Variants in RBMS1 observed in about 807,000 individuals in gnomAD.
The protein encoded by RBMS1 is RNA binding motif single stranded interacting protein 1.
RBMS1 carries 17 observed loss-of-function variants against 62.3 expected under a neutral mutation model. The ratio of observed to expected loss-of-function variants is 0.27; its 90% CI spans 0.19 to 0.41. The LOEUF (loss-of-function observed/expected upper bound fraction) is 0.41. Among genes scored for constraint, RBMS1 ranks in the 10% least tolerant of loss-of-function variants. The pLI, the probability that RBMS1 is intolerant of heterozygous loss-of-function variation, is 1.00. For missense variants in RBMS1, 334 were observed against 504.5 expected, an observed-to-expected ratio of 0.66 and a Z score of 3.24; for synonymous variants, 172 against 170.0, an observed-to-expected ratio of 1.01 and a Z score of -0.09.
At chr2:160,453,842 T>C (rs1371071371) in intron 1 of RBMS1, among the ~76,000 whole-genome samples, 3 of 152,196 alleles carry the variant, frequency 2.0e-5, no homozygotes. Context: ...TTCTCACCAA[T>C]TTCCTGAATC....
At chr2:160,444,398 A>G (rs1047318470) in intron 1 of RBMS1, among the ~76,000 whole-genome samples, 2 of 152,242 alleles carry the variant, frequency 1.3e-5, no homozygotes, top group African/African-American at 2.4e-5. Context: ...CTAGTTACAT[A>G]TTTATTAATA....
chr2:160,312,440 A>G (rs1035318150), intron 4 of RBMS1, among the ~76,000 whole-genome samples: 6 of 152,230 alleles, frequency 3.9e-5, no homozygotes, highest in Admixed American at 3.9e-4. Context: ...AATATATATT[A>G]AGCATGAAAC....
chr2:160,408,548 C>T (rs1278048890), intron 1 of RBMS1: 1 of 152,198 alleles, frequency 6.6e-6, no homozygotes, highest in Non-Finnish European at 1.5e-5. Flanking sequence ...GAGCGAAAAT[C>T]ATTTAAGGCC....
At chr2:160,471,716 T>TATATATATATATATATATATAA (rs371634389) in intron 1 of RBMS1, among the ~76,000 whole-genome samples, 3,789 of 75,278 alleles carry the variant, frequency 0.05, 320 homozygotes, top group Admixed American at 0.075. Context: ...TATATATATA[T>TATATATATATATATATATATAA]AACCTTTCAT....
At chr2:160,433,126 T>A (rs1468575626) in intron 1 of RBMS1, among the ~76,000 whole-genome samples, 1 of 149,650 alleles carries the variant, frequency 6.7e-6, no homozygotes, top group Non-Finnish European at 1.5e-5. Flanking sequence ...AAAAAAAAAA[T>A]CTTTAGACTG....
At position 160,349,553 on chromosome 2, in the gene RBMS1, A is replaced by AAGAGAGAG. The variant is rs372260654; in HGVS notation, c.251+17655_251+17662dup. The stretch of plus-strand genomic sequence containing the variant: ...TTTAGTTGCTCATCTCAGAGACAGA[A>AAGAGAGAG]AGAGAGAGAGAGAGAGAGAGAGAGA... On this transcript the variant is annotated intron_variant, in intron 2 of 13. Coordinates refer to ENST00000348849, the MANE Select transcript of RBMS1 (RefSeq NM_016836.4). Among the ~76,000 whole-genome samples, 151 of 142,838 alleles carry AAGAGAGAG rather than the reference A, an allele frequency of 1.1e-3. 3 individuals are homozygous for AAGAGAGAG. The highest frequency in any genetic ancestry group is 4.8e-3 in the South Asian group (21 of 4,366). 93.7% of individuals were successfully genotyped at this position (142,838 alleles called of 152,430 possible). A position where few individuals can be genotyped will look rare whatever the true frequency, so the allele number is the denominator to read the frequency against.
intron 1 of RBMS1, among the ~76,000 whole-genome samples, chr2:160,434,193 T>C (rs999992836): frequency 1.3e-5 from 2 of 152,184 alleles, no homozygotes; most frequent in African/African-American, 4.8e-5. Context: ...TGAAATAACA[T>C]TCAATAGAAA....
intron 1 of RBMS1, among the ~76,000 whole-genome samples, chr2:160,479,145 G>T (rs1049925754): frequency 1.3e-5 from 2 of 152,204 alleles, no homozygotes; most frequent in Admixed American, 6.5e-5. Context: ...CAGCCGATCT[G>T]GGAAAATTCC....
chr2:160,368,424 C>G (rs375077391), intron 1 of RBMS1, among the ~76,000 whole-genome samples: 29 of 152,240 alleles, frequency 1.9e-4, no homozygotes, highest in African/African-American at 7.0e-4. Flanking sequence ...TTGGTTTTTA[C>G]CAGCACAAAC....
chr2:160,458,665 C>T (rs1398947369), intron 1 of RBMS1, among the ~76,000 whole-genome samples: 6 of 152,008 alleles, frequency 3.9e-5, no homozygotes, highest in Admixed American at 2.6e-4. Flanking sequence ...GGCGTGGTGG[C>T]GCATGCCAAT....
intron 1 of RBMS1, among the ~76,000 whole-genome samples, chr2:160,409,326 G>C (rs1248117161): frequency 6.6e-6 from 1 of 150,892 alleles, no homozygotes; most frequent in Admixed American, 6.6e-5. Flanking sequence ...ACAGTGCTAG[G>C]TGCACAATGG....
At position 160,370,430 on chromosome 2, in the gene RBMS1, C is replaced by T. The variant is rs189343471; in HGVS notation, c.76-3039G>A. 7.9e-5 allele frequency among the ~76,000 whole-genome samples: 12 copies of T among 152,196 alleles called. No homozygotes were observed. The East Asian group carries it at 1.5e-3, about 20-fold the overall frequency. On this transcript the variant is annotated intron_variant, in intron 1 of 13. Coordinates refer to ENST00000348849, the MANE Select transcript of RBMS1 (RefSeq NM_016836.4). ...TGGGTGGATCACGGAGTCAGGAGTT[C>T]GAGACCAGCCTGGCCACCATGGTGA... is the stretch of plus-strand genomic sequence containing the variant.
chr2:160,404,952 G>A (rs999667333), intron 1 of RBMS1, among the ~76,000 whole-genome samples: 3 of 152,170 alleles, frequency 2.0e-5, no homozygotes, highest in Non-Finnish European at 2.9e-5. Context: ...GGCTTGGAAG[G>A]GAGTGATTGT....
chr2:160,366,706 T>A (rs1453834301), intron 2 of RBMS1, among the ~76,000 whole-genome samples: 1 of 152,230 alleles, frequency 6.6e-6, no homozygotes, highest in African/African-American at 2.4e-5. Flanking sequence ...GAGTTCTTAT[T>A]CCTAAAGTGA....
chr2:160,403,901 C>G (rs1028497007), intron 1 of RBMS1, among the ~76,000 whole-genome samples: 19 of 152,108 alleles, frequency 1.2e-4, no homozygotes, highest in African/African-American at 4.6e-4. Flanking sequence ...CAAGAAACAA[C>G]ACAAAGGAAA....
chr2:160,412,670 T>C (rs183158185), intron 1 of RBMS1, among the ~76,000 whole-genome samples: 56 of 152,330 alleles, frequency 3.7e-4, no homozygotes, highest in African/African-American at 1.3e-3. Flanking sequence ...GACAATCGTG[T>C]GCTATGGGAG....
intron 2 of RBMS1, among the ~76,000 whole-genome samples, chr2:160,330,714 G>A (rs552604804): frequency 1.3e-5 from 2 of 150,656 alleles, no homozygotes; most frequent in African/African-American, 4.9e-5. Context: ...AAAATGAGCC[G>A]ATCATAGAAA....
chr2:160,392,474 C>A (rs1413536023), intron 1 of RBMS1, among the ~76,000 whole-genome samples: 1 of 146,782 alleles, frequency 6.8e-6, no homozygotes, highest in Non-Finnish European at 1.5e-5. Flanking sequence ...AAAAAAAAAA[C>A]CCTGATCCCA....
intron 6 of RBMS1, among the ~76,000 whole-genome samples, chr2:160,291,832 A>G (rs1169845646): frequency 2.6e-5 from 4 of 152,238 alleles, no homozygotes; most frequent in African/African-American, 9.6e-5. Flanking sequence ...CAGTAAAACA[A>G]TGATTTGACA....
Sources: gnomAD v4.1 joint callset for allele counts (sites outside exome capture counted in the v4.1 genomes callset) on GRCh38, gnomAD v4.1.1 for gene constraint, MANE v1.5 for transcripts, NCBI Gene and HGNC (gene_info 2026-07-23, HGNC 2026-07-21) for gene names.